Variants in QKI observed in about 807,000 individuals in gnomAD.
QKI encodes KH domain-containing RNA-binding protein QKI.
In QKI, 10 loss-of-function variants were observed where a neutral mutation model predicts 39.0. The observed-to-expected ratio is 0.26, with a 90% CI of 0.16 to 0.43. The LOEUF is 0.43. Among genes scored for constraint, QKI ranks in the 20% least tolerant of loss-of-function variants. The probability of loss-of-function intolerance (pLI) is 1.00; values close to 1 mark genes in which losing one functional copy is unlikely to be tolerated. For missense variants in QKI, 218 were observed against 428.0 expected (o/e 0.51, Z 4.33); for synonymous variants, 204 against 155.4 (o/e 1.31, Z -2.33).
intron 3 of QKI, among the ~76,000 whole-genome samples, chr6:163,498,188 T>TAAAA (rs10650302): frequency 0.19 from 23,603 of 125,362 alleles, 2,501 homozygotes; most frequent in East Asian, 0.28. Context: ...GCAGCTGTGG[T>TAAAA]AAAAAAAAAA....
chr6:163,440,266 A>G (rs1345314805), intron 1 of QKI, among the ~76,000 whole-genome samples: 1 of 152,214 alleles, frequency 6.6e-6, no homozygotes, highest in Non-Finnish European at 1.5e-5. Context: ...GAGAGGCCAA[A>G]TGGTATGAGT....
chr6:163,523,154 A>G (rs926173264), intron 3 of QKI, among the ~76,000 whole-genome samples: 1 of 151,914 alleles, frequency 6.6e-6, no homozygotes, highest in Non-Finnish European at 1.5e-5. Flanking sequence ...AGATTATGGG[A>G]CTCTGGTTCA....
intron 4 of QKI, among the ~76,000 whole-genome samples, chr6:163,537,829 G>A (rs1214687764): frequency 6.6e-6 from 1 of 151,854 alleles, no homozygotes; most frequent in East Asian, 1.9e-4. Context: ...CCTTCTTCTG[G>A]GGCCTCTCAA....
Position 163,566,431 on chromosome 6 carries a change from T to C in QKI, c.935-290T>C, listed in dbSNP as rs966866972. 33 of 1,264,496 alleles carry C rather than the reference T, an allele frequency of 2.6e-5. No individual in the cohort carries two copies. In the African/African-American group the frequency reaches 4.6e-4, roughly 18 times the overall value. 78.3% of individuals were successfully genotyped at this position (1,264,496 alleles called of 1,614,324 possible). A position where few individuals can be genotyped will look rare whatever the true frequency, so the allele number is the denominator to read the frequency against. On this transcript the variant is annotated intron_variant, in intron 6 of 7. Coordinates refer to ENST00000361752, the MANE Select transcript of QKI (RefSeq NM_006775.3). The stretch of plus-strand genomic sequence containing the variant: ...TCAGTGAATATGTGACTAGTAAAGC[T>C]TAAATATGTTTGGATCTAATAGAGC...
At chr6:163,448,629 G>A (rs1417263628) in intron 1 of QKI, among the ~76,000 whole-genome samples, 1 of 151,996 alleles carries the variant, frequency 6.6e-6, no homozygotes, top group East Asian at 1.9e-4. Context: ...CCAGCTACTC[G>A]GGGAGGCCGA....
intron 1 of QKI, among the ~76,000 whole-genome samples, chr6:163,438,395 T>C (rs1231405213): frequency 1.3e-5 from 2 of 152,210 alleles, no homozygotes; most frequent in Non-Finnish European, 2.9e-5. Context: ...CATGCATTGC[T>C]TAAAGACAGT....
intron 4 of QKI, among the ~76,000 whole-genome samples, chr6:163,545,590 G>T (rs1454064947): frequency 1.3e-5 from 2 of 152,010 alleles, no homozygotes; most frequent in African/African-American, 2.4e-5. Flanking sequence ...GTTTGATCAG[G>T]CTCCTTGGTG....
At chr6:163,436,561 C>G (rs1019428000) in intron 1 of QKI, among the ~76,000 whole-genome samples, 1 of 152,004 alleles carries the variant, frequency 6.6e-6, no homozygotes, top group African/African-American at 2.4e-5. Context: ...CACCTGTAAT[C>G]CCAGCACTTT....
intron 3 of QKI, among the ~76,000 whole-genome samples, chr6:163,526,290 CT>C (rs1235995753): frequency 2.0e-5 from 3 of 152,072 alleles, no homozygotes; most frequent in Non-Finnish European, 2.9e-5. Flanking sequence ...GTATTTTCCC[CT>C]GGTATACTAT....
chr6:163,434,074 C>CT (rs35944011), intron 1 of QKI, among the ~76,000 whole-genome samples: 5 of 149,660 alleles, frequency 3.3e-5, no homozygotes, highest in East Asian at 3.9e-4. Flanking sequence ...TTTCAACAAA[C>CT]TTTTTTTTTT....
rs1745647983 is a variant in QKI at position 163,577,892 on chromosome 6, A to G, written c.*7182A>G. On this transcript the variant is annotated 3_prime_UTR_variant, in exon 8 of 8. Coordinates refer to ENST00000361752, the MANE Select transcript of QKI (RefSeq NM_006775.3). Reference sequence around the variant, plus strand: ...ACATTTGGATTTCCTTCCTAACGTAATTTTTAATGATTACCCCTTTTATAC... The same window carrying G: ...ACATTTGGATTTCCTTCCTAACGTAGTTTTTAATGATTACCCCTTTTATAC... The G allele has an allele frequency of 6.6e-6, 1 of 152,178 alleles. No individual in the cohort carries two copies. Among genetic ancestry groups the G allele is most frequent in the African/African-American group, 2.4e-5 (1 of 41,438 alleles). The allele number at this position is 152,178 out of a possible 1,614,324, so 9.4% of individuals were successfully genotyped here.
chr6:163,434,813 A>G (rs930847487), intron 1 of QKI, among the ~76,000 whole-genome samples: 1 of 152,134 alleles, frequency 6.6e-6, no homozygotes, highest in African/African-American at 2.4e-5. Flanking sequence ...TGTCATAGGA[A>G]CTAGCTTTAA....
At chr6:163,454,279 G>A (rs1435374856) in intron 1 of QKI, among the ~76,000 whole-genome samples, 1 of 151,734 alleles carries the variant, frequency 6.6e-6, no homozygotes, top group South Asian at 2.1e-4. Context: ...TATGGGACTC[G>A]GCTCATTAAA....
At chr6:163,444,685 CAT>C (rs1435349498) in intron 1 of QKI, among the ~76,000 whole-genome samples, 4 of 152,010 alleles carry the variant, frequency 2.6e-5, no homozygotes, top group Non-Finnish European at 2.9e-5. Context: ...TTATATTTAA[CAT>C]ATATTTTGGA....
At chr6:163,529,983 C>T (rs1780751936) in intron 3 of QKI, among the ~76,000 whole-genome samples, 1 of 152,092 alleles carries the variant, frequency 6.6e-6, no homozygotes, top group Non-Finnish European at 1.5e-5. Flanking sequence ...ATTTGGAGGT[C>T]TAGAAATCAG....
At chr6:163,555,181 T>A (rs1399116862) in intron 4 of QKI, among the ~76,000 whole-genome samples, 2 of 152,212 alleles carry the variant, frequency 1.3e-5, no homozygotes, top group African/African-American at 2.4e-5. Context: ...ATTCATTTTT[T>A]AAAATATGTT....
intron 1 of QKI, among the ~76,000 whole-genome samples, chr6:163,441,540 A>C (rs182967740): frequency 1.3e-5 from 2 of 152,366 alleles, no homozygotes; most frequent in East Asian, 3.9e-4. Flanking sequence ...TTCTAATGTC[A>C]ACAGGCAATA....
chr6:163,545,011 G>A (rs116641610), intron 4 of QKI, among the ~76,000 whole-genome samples: 4,045 of 152,168 alleles, frequency 0.027, 181 homozygotes, highest in African/African-American at 0.092. Context: ...GACAGATAAT[G>A]TCCTAAAATC....
intron 4 of QKI, among the ~76,000 whole-genome samples, chr6:163,554,416 C>T (rs755707292): frequency 2.0e-5 from 3 of 152,194 alleles, no homozygotes. Context: ...CATTGGAAAG[C>T]ATATGGCAGT....
Sources: allele counts gnomAD v4.1 joint callset (sites outside exome capture counted in the v4.1 genomes callset), GRCh38; gene constraint gnomAD v4.1.1; transcripts MANE v1.5; gene names NCBI Gene and HGNC (gene_info 2026-07-23, HGNC 2026-07-21).